Variants in ACACB observed in about 807,000 individuals in gnomAD.
ACACB encodes the protein acetyl-CoA carboxylase 2.
A neutral mutation model predicts 278.8 loss-of-function variants in ACACB; 209 were observed. The observed-to-expected ratio is 0.75, with a 90% CI of 0.67 to 0.84. The LOEUF (loss-of-function observed/expected upper bound fraction) is 0.84. Ranked by LOEUF, ACACB falls within the 40% of genes least tolerant of loss-of-function variation. The pLI is 0.00. For missense variants in ACACB, 2,850 were observed against 3,269.0 expected, an observed-to-expected ratio of 0.87 and a Z score of 3.13; for synonymous variants, 1,174 against 1,285.6, an observed-to-expected ratio of 0.91 and a Z score of 1.86.
chr12:109,210,534 T>G (rs2045805624), intron 21 of ACACB, among the ~76,000 whole-genome samples: 1 of 148,836 alleles, frequency 6.7e-6, no homozygotes, highest in Non-Finnish European at 1.5e-5. Context: ...TATATGTGTA[T>G]ATATACGTGC....
At chr12:109,193,797 T>C (rs1565907118) in intron 16 of ACACB, 68 bp downstream of exon 16, 1 of 1,396,142 alleles carries the variant, frequency 7.2e-7, no homozygotes, top group Non-Finnish European at 1.0e-6. Context: ...CTTTCTTCCA[T>C]GAACCATCCC....
chr12:109,137,471 C>A (rs1593381528), intron 1 of ACACB, among the ~76,000 whole-genome samples: 2 of 152,014 alleles, frequency 1.3e-5, no homozygotes, highest in East Asian at 3.9e-4. Context: ...ACCAGCCTAG[C>A]CAACATGGTG....
intron 2 of ACACB, among the ~76,000 whole-genome samples, chr12:109,166,560 G>A (rs2043900677): frequency 6.8e-6 from 1 of 147,390 alleles, no homozygotes; most frequent in Non-Finnish European, 1.5e-5. Context: ...TGCCCTCTGT[G>A]GTCCCAGCTA....
chr12:109,150,930 G>A (rs543390131), intron 2 of ACACB, among the ~76,000 whole-genome samples: 5 of 150,798 alleles, frequency 3.3e-5, no homozygotes, highest in Non-Finnish European at 7.4e-5. Context: ...CTCCTAAAAT[G>A]TTTACTTTTT....
At position 109,140,269 on chromosome 12, in the gene ACACB, T is replaced by TC. The variant is rs1482013169; in HGVS notation, c.653+212dup. On this transcript the variant is annotated intron_variant, in intron 2 of 52. Coordinates refer to ENST00000338432, the MANE Select transcript of ACACB (RefSeq NM_001093.4). ...TTCCTTCCTTCCATCCTTCCTTCCT[T>TC]CTTTCCTTCCTTCCTTCCTTCCTTC... 3.1e-4 allele frequency among the ~76,000 whole-genome samples: 24 copies of TC among 78,442 alleles called. 1 individual carries two copies. The highest frequency in any genetic ancestry group is 6.8e-4 in the African/African-American group (18 of 26,598). 51.5% of individuals were successfully genotyped at this position (78,442 alleles called of 152,430 possible).
intron 33 of ACACB, 100 bp from the exon 34 acceptor site, chr12:109,237,065 C>T (rs148139192): frequency 4.3e-4 from 522 of 1,203,424 alleles, no homozygotes; most frequent in Non-Finnish European, 5.1e-4. Context: ...CCCATGGACA[C>T]CAGGGGTCTG....
chr12:109,171,386 G>A (rs905698149), intron 4 of ACACB, among the ~76,000 whole-genome samples: 2 of 149,280 alleles, frequency 1.3e-5, no homozygotes, highest in Non-Finnish European at 3.0e-5. Flanking sequence ...GTCTCGTTCT[G>A]TCACCCAGGC....
Position 109,253,102 on chromosome 12 carries a change from C to T in ACACB, c.5989C>T (p.Pro1997Ser), listed in dbSNP as rs771875652. 33 of 1,613,198 alleles carry T rather than the reference C, an allele frequency of 2.0e-5. No individual in the cohort carries two copies. The East Asian group carries it at 7.4e-4, about 36-fold the overall frequency. The change falls in exon 43 of 53, where the codon CCA becomes TCA. Residue 1997 changes from proline (P) to serine (S), a missense_variant. Pro to Ser is a moderately conservative substitution (Grantham distance 74). Coordinates refer to ENST00000338432, the MANE Select transcript of ACACB (RefSeq NM_001093.4). ...CAATGGTGTCTCCCACATCACCGTG[C>T]CAGATGACTTTGAGGGGGTTTATAC... ...HYNGVSHITV[P>S]DDFEGVYTIL...
Position 109,265,497 on chromosome 12 carries a change from C to T in ACACB, c.7222C>T (p.His2408Tyr), listed in dbSNP as rs1369634080. The change falls in exon 52 of 53, where the codon CAC becomes TAC. Residue 2408 changes from histidine (H) to tyrosine (Y), a missense_variant. Physicochemically the swap from His to Tyr is moderately conservative, Grantham distance 83. Around this residue, in one of 3 missense-constraint regions of ACACB, gnomAD observed 579 missense variants for 684.6 expected, o/e 0.85. Transcript: ENST00000338432. ...TIRENITYLK[H>Y]DSVLKTIRGL... ...CCGTGAGAACATCACGTACCTGAAG[C>T]ACGACTCTGTCCTCAAGACCATCCG... 1 of 1,613,730 alleles carries T rather than the reference C, an allele frequency of 6.2e-7. No homozygotes were observed. Among genetic ancestry groups the T allele is most frequent in the Admixed American group, 1.7e-5 (1 of 60,000 alleles).
intron 19 of ACACB, among the ~76,000 whole-genome samples, chr12:109,205,441 A>C (rs1308646518): frequency 6.7e-6 from 1 of 148,314 alleles, no homozygotes; most frequent in Non-Finnish European, 1.5e-5. Flanking sequence ...GTAGGGGAAA[A>C]CCCTCAAGTC....
At chr12:109,227,313 T>C in intron 27 of ACACB, 58 bp from the exon 28 acceptor site, 5 of 1,492,626 alleles carry the variant, frequency 3.3e-6, no homozygotes, top group Middle Eastern at 1.7e-4. Flanking sequence ...GCCCTCAGCT[T>C]TTGAGCACAC....
At chr12:109,242,103 C>T (rs1245664497) in intron 36 of ACACB, 1 of 192,424 alleles carries the variant, frequency 5.2e-6, no homozygotes, top group East Asian at 1.3e-4. Flanking sequence ...ATCATTAAAA[C>T]AGGAAATTGA....
chr12:109,201,942 G>A (rs903433621), intron 19 of ACACB, among the ~76,000 whole-genome samples: 1 of 152,122 alleles, frequency 6.6e-6, no homozygotes, highest in Non-Finnish European at 1.5e-5. Context: ...TTCTGCCAGT[G>A]ACCTGCAAGA....
At chr12:109,177,934 T>C (rs2284696) in intron 9 of ACACB, among the ~76,000 whole-genome samples, 25,678 of 152,226 alleles carry the variant, frequency 0.17, 2,748 homozygotes, top group East Asian at 0.44. Flanking sequence ...CAGGCCCTCA[T>C]GTGCACACAG....
intron 24 of ACACB, among the ~76,000 whole-genome samples, chr12:109,220,316 G>C (rs1223346977): frequency 6.6e-6 from 1 of 152,178 alleles, no homozygotes; most frequent in East Asian, 1.9e-4. Context: ...GCACCTGATG[G>C]TATTTGGTAC....
At chr12:109,156,357 C>G (rs2043535596) in intron 2 of ACACB, among the ~76,000 whole-genome samples, 1 of 151,970 alleles carries the variant, frequency 6.6e-6, no homozygotes, top group Admixed American at 6.6e-5. Context: ...TAGTGAGACC[C>G]CCATCTCTAC....
Position 109,210,063 on chromosome 12 carries a change from GTATATA to G in ACACB, c.3249+712_3249+717del, listed in dbSNP as rs765876602. Among the ~76,000 whole-genome samples, 2 of 86,612 alleles carry G rather than the reference GTATATA, an allele frequency of 2.3e-5. 1 individual carries two copies. The highest frequency in any genetic ancestry group is 5.4e-5 in the Non-Finnish European group (2 of 37,372). The allele number at this position is 86,612 out of a possible 152,430, so 56.8% of individuals were successfully genotyped here. On this transcript the variant is annotated intron_variant, in intron 21 of 52. Coordinates refer to ENST00000338432, the MANE Select transcript of ACACB (RefSeq NM_001093.4). ...TATGTGTATATATACACACACGTGT[GTATATA>G]TGTGTATATATGTATATATACACAC...
intron 43 of ACACB, among the ~76,000 whole-genome samples, chr12:109,253,565 G>T (rs1490816345): frequency 6.6e-6 from 1 of 152,164 alleles, no homozygotes; most frequent in Non-Finnish European, 1.5e-5. Flanking sequence ...TGTGAAATGA[G>T]AATAATAATA....
intron 44 of ACACB, among the ~76,000 whole-genome samples, chr12:109,255,276 C>G (rs996408602): frequency 6.6e-6 from 1 of 152,190 alleles, no homozygotes; most frequent in Non-Finnish European, 1.5e-5. Flanking sequence ...CACTATATCC[C>G]AAATCTAGAA....
Sources: gnomAD v4.1 joint callset for allele counts (sites outside exome capture counted in the v4.1 genomes callset) on GRCh38, gnomAD v4.1.1 for gene constraint, gnomAD v4.1.1 regional missense constraint, MANE v1.5 for transcripts, NCBI Gene and HGNC (gene_info 2026-07-23, HGNC 2026-07-21) for gene names.